ACVR2A: variants seen among roughly 807,000 people sequenced by gnomAD.
ACVR2A encodes activin A receptor type 2A.
ACVR2A carries 7 observed loss-of-function variants against 61.4 expected under a neutral mutation model. The observed-to-expected ratio is 0.11, with a 90% CI of 0.06 to 0.21. The LOEUF is 0.21. Among genes scored for constraint, ACVR2A ranks in the 10% least tolerant of loss-of-function variants. The pLI, the probability that ACVR2A is intolerant of heterozygous loss-of-function variation, is 1.00. For missense variants in ACVR2A, 322 were observed against 621.7 expected, an observed-to-expected ratio of 0.52 and a Z score of 5.13; for synonymous variants, 193 against 208.3, an observed-to-expected ratio of 0.93 and a Z score of 0.63.
chr2:147,856,756 A>G (rs1486050938), intron 1 of ACVR2A, among the ~76,000 whole-genome samples: 1 of 152,200 alleles, frequency 6.6e-6, no homozygotes, highest in African/African-American at 2.4e-5. Flanking sequence ...TCAAAGTAGA[A>G]TAAAACACCT....
rs1183116222 is a variant in ACVR2A, at chr2:147,929,161, G to GTC, written c.*1890_*1891dup. On this transcript the variant is annotated 3_prime_UTR_variant, in exon 11 of 11. Coordinates refer to ENST00000241416, the MANE Select transcript of ACVR2A (RefSeq NM_001616.5). ...CAGAACTGTCACGTGTGTCCCCATGGTCTCATTCATTGTATTCCTAGCAAT... is the reference window on the plus strand; with the variant it reads ...CAGAACTGTCACGTGTGTCCCCATGGTCTCTCATTCATTGTATTCCTAGCAAT... The GTC allele has an allele frequency of 6.6e-6, 1 of 152,212 alleles. No individual in the cohort carries two copies. Among genetic ancestry groups the GTC allele is most frequent in the African/African-American group, 2.4e-5 (1 of 41,408 alleles). 9.4% of individuals were successfully genotyped at this position (152,212 alleles called of 1,614,324 possible).
chr2:147,895,702 T>A (rs1686715390), intron 1 of ACVR2A, among the ~76,000 whole-genome samples: 1 of 152,222 alleles, frequency 6.6e-6, no homozygotes, highest in African/African-American at 2.4e-5. Context: ...TATTTTCTGT[T>A]CCTTATTTTT....
intron 1 of ACVR2A, among the ~76,000 whole-genome samples, chr2:147,852,514 A>T (rs960795792): frequency 6.6e-6 from 1 of 152,112 alleles, no homozygotes; most frequent in Non-Finnish European, 1.5e-5. Context: ...TGCACTGAAA[A>T]ATATGGTCAT....
At chr2:147,882,349 G>C (rs528131844) in intron 1 of ACVR2A, among the ~76,000 whole-genome samples, 1 of 152,286 alleles carries the variant, frequency 6.6e-6, no homozygotes, top group Admixed American at 6.5e-5. Flanking sequence ...TCAGGAGTTC[G>C]AGACCAGCCT....
chr2:147,913,086 T>G (rs1687156942), intron 4 of ACVR2A, among the ~76,000 whole-genome samples: 1 of 151,636 alleles, frequency 6.6e-6, no homozygotes, highest in Non-Finnish European at 1.5e-5. Context: ...TGGAAAACAT[T>G]TAATGAACTT....
At chr2:147,897,041 T>C (rs1028843706) in intron 2 of ACVR2A, 1 of 149,948 alleles carries the variant, frequency 6.7e-6, no homozygotes, top group Non-Finnish European at 1.5e-5. Context: ...CAGATTTCGC[T>C]CTTGTTGCCC....
intron 1 of ACVR2A, among the ~76,000 whole-genome samples, chr2:147,894,169 G>A (rs1050956846): frequency 1.3e-5 from 2 of 152,014 alleles, no homozygotes; most frequent in African/African-American, 2.4e-5. Flanking sequence ...CTCTACATCA[G>A]TTGACCATTT....
chr2:147,865,420 A>T (rs1487836845), intron 1 of ACVR2A, among the ~76,000 whole-genome samples: 1 of 152,154 alleles, frequency 6.6e-6, no homozygotes, highest in Non-Finnish European at 1.5e-5. Flanking sequence ...TTTGATTATG[A>T]ATTGACTTTT....
intron 4 of ACVR2A, among the ~76,000 whole-genome samples, chr2:147,913,120 AATT>A (rs1451537358): frequency 1.3e-5 from 2 of 151,884 alleles, no homozygotes; most frequent in African/African-American, 2.4e-5. Context: ...AGATATTAAA[AATT>A]ATTTTTTCTA....
chr2:147,917,383 G>T lies in ACVR2A; in HGVS notation c.773G>T (p.Ser258Ile). The change falls in exon 6 of 11, where the codon AGT becomes ATT. Residue 258 changes from serine to isoleucine, a missense_variant. By Grantham distance (142) the Ser-to-Ile change is moderately radical. Around this residue, in one of 3 missense-constraint regions of ACVR2A, gnomAD observed 146 missense variants for 383.8 expected, o/e 0.38. Coordinates refer to ENST00000241416, the MANE Select transcript of ACVR2A (RefSeq NM_001616.5). The stretch of plus-strand genomic sequence containing the variant: ...ATTGGTGCAGAAAAACGAGGCACCA[G>T]TGTTGATGTGGATCTTTGGCTGATC... Reference protein sequence around the residue: ...QFIGAEKRGTSVDVDLWLITA... With the variant: ...QFIGAEKRGTIVDVDLWLITA... 6.2e-7 allele frequency: 1 copy of T among 1,612,422 alleles called. No homozygotes were observed. The highest frequency in any genetic ancestry group is 8.5e-7 in the Non-Finnish European group (1 of 1,178,908).
In ACVR2A at chr2:147,917,436, CT is replaced by C; in HGVS notation, c.816+12del. 1 of 1,610,244 alleles carries C rather than the reference CT, an allele frequency of 6.2e-7. No homozygotes were observed. The highest frequency in any genetic ancestry group is 8.5e-7 in the Non-Finnish European group (1 of 1,177,962). On this transcript the variant is annotated intron_variant, in intron 6 of 10. Transcript: ENST00000241416. Reference sequence around the variant, plus strand: ...AGCATTTCATGAAAAGGTAAAACTACTTAACGTTTTACTTTAGTAAAGTCTG... The same window carrying C: ...AGCATTTCATGAAAAGGTAAAACTACTAACGTTTTACTTTAGTAAAGTCTG...
chr2:147,850,087 G>A (rs1365307618), intron 1 of ACVR2A, among the ~76,000 whole-genome samples: 1 of 152,108 alleles, frequency 6.6e-6, no homozygotes, highest in Non-Finnish European at 1.5e-5. Flanking sequence ...TCACTGGTAT[G>A]CCTTAGCTTT....
At chr2:147,894,574 T>A (rs1686682733) in intron 1 of ACVR2A, among the ~76,000 whole-genome samples, 1 of 152,136 alleles carries the variant, frequency 6.6e-6, no homozygotes, top group Non-Finnish European at 1.5e-5. Flanking sequence ...CTGTCACATT[T>A]CATTATTCAA....
At chr2:147,872,776 T>C (rs908478217) in intron 1 of ACVR2A, among the ~76,000 whole-genome samples, 4 of 151,896 alleles carry the variant, frequency 2.6e-5, no homozygotes, top group Admixed American at 1.3e-4. Context: ...TTCTATAGTT[T>C]CCAGGATTTT....
At chr2:147,906,001 A>G (rs1686981080) in intron 4 of ACVR2A, among the ~76,000 whole-genome samples, 1 of 152,100 alleles carries the variant, frequency 6.6e-6, no homozygotes, top group Non-Finnish European at 1.5e-5. Flanking sequence ...TTTGGCTTGT[A>G]CAGGGTCTCG....
At chr2:147,914,059 G>A (rs1286214073) in intron 4 of ACVR2A, among the ~76,000 whole-genome samples, 1 of 151,890 alleles carries the variant, frequency 6.6e-6, no homozygotes, top group East Asian at 1.9e-4. Flanking sequence ...AGTGAGCTGA[G>A]TGATGCCTAA....
intron 1 of ACVR2A, among the ~76,000 whole-genome samples, chr2:147,863,862 T>C (rs1558962312): frequency 6.6e-6 from 1 of 152,208 alleles, no homozygotes; most frequent in Non-Finnish European, 1.5e-5. Flanking sequence ...AGGTCAGAAT[T>C]CATTTGCTCT....
At position 147,929,413 on chromosome 2, in the gene ACVR2A, G is replaced by A. The variant is rs1329587724; in HGVS notation, c.*2139G>A. Reference sequence around the variant, plus strand: ...ATAAACAAGGGATATTATGATGAATGTTTGGCTTATGTGAGTACTAGAGAT... The same window carrying A: ...ATAAACAAGGGATATTATGATGAATATTTGGCTTATGTGAGTACTAGAGAT... On this transcript the variant is annotated 3_prime_UTR_variant, in exon 11 of 11. Transcript: ENST00000241416. 1 of 152,054 alleles carries A rather than the reference G, an allele frequency of 6.6e-6. No individual in the cohort carries two copies. Among genetic ancestry groups the A allele is most frequent in the Non-Finnish European group, 1.5e-5 (1 of 67,974 alleles). 9.4% of individuals were successfully genotyped at this position (152,054 alleles called of 1,614,324 possible).
At chr2:147,886,773 T>C (rs900814392) in intron 1 of ACVR2A, among the ~76,000 whole-genome samples, 30 of 142,068 alleles carry the variant, frequency 2.1e-4, no homozygotes, top group African/African-American at 7.0e-4. Context: ...AGTGGCATCT[T>C]TTTTTTTTTT....
Sources: gnomAD v4.1 joint callset for allele counts (sites outside exome capture counted in the v4.1 genomes callset) on GRCh38, gnomAD v4.1.1 for gene constraint, gnomAD v4.1.1 regional missense constraint, MANE v1.5 for transcripts, NCBI Gene and HGNC (gene_info 2026-07-23, HGNC 2026-07-21) for gene names.